Variants in ZNF653 observed in about 807,000 individuals in gnomAD.
ZNF653 encodes 67 kDa zinc finger protein.
In ZNF653, 37 loss-of-function variants were observed where a neutral mutation model predicts 59.9. The observed-to-expected ratio is 0.62, with a 90% confidence interval of 0.48 to 0.81. ZNF653 has a LOEUF of 0.81. Among genes scored for constraint, ZNF653 ranks in the 40% least tolerant of loss-of-function variants. The pLI is 0.00. For synonymous variants in ZNF653, 435 were observed against 371.8 expected, an observed-to-expected ratio of 1.17 and a Z score of -1.96; for missense variants, 808 against 881.1, an observed-to-expected ratio of 0.92 and a Z score of 1.05.
At chr19:11,499,065 C>G (rs528537760) in intron 1 of ZNF653, among the ~76,000 whole-genome samples, 1 of 152,198 alleles carries the variant, frequency 6.6e-6, no homozygotes, top group Non-Finnish European at 1.5e-5. Flanking sequence ...AACTCCAGAA[C>G]TGTGTCACCA....
intron 1 of ZNF653, among the ~76,000 whole-genome samples, chr19:11,502,034 T>A (rs916194904): frequency 1.3e-5 from 2 of 151,924 alleles, no homozygotes; most frequent in African/African-American, 4.8e-5. Flanking sequence ...ACTTCGTGAT[T>A]TGCTCACCTT....
chr19:11,492,554 C>T (rs1431709330), intron 3 of ZNF653, among the ~76,000 whole-genome samples: 2 of 151,914 alleles, frequency 1.3e-5, no homozygotes, highest in Admixed American at 6.6e-5. Context: ...ACTATGTTGC[C>T]CAGGCTGTTC....
At position 11,488,529 on chromosome 19, in the gene ZNF653, G is replaced by A. The variant is rs533226690; in HGVS notation, c.560-626C>T. On this transcript the variant is annotated intron_variant, in intron 3 of 8. Coordinates refer to ENST00000293771, the MANE Select transcript of ZNF653 (RefSeq NM_138783.4). ...TCAAACTCCTGACCTCAAGTCATCT[G>A]CCCGCCTCAGCCTCCCAAAGTGTTA... 3.6e-4 allele frequency among the ~76,000 whole-genome samples: 55 copies of A among 151,414 alleles called. 1 individual carries two copies. The South Asian group carries it at 9.6e-3, about 26-fold the overall frequency.
At position 11,487,175 on chromosome 19, in the gene ZNF653, GGGT is replaced by G; in HGVS notation, c.1172-20_1172-18del. On this transcript the variant is annotated intron_variant, in intron 4 of 8. Coordinates refer to ENST00000293771, the MANE Select transcript of ZNF653 (RefSeq NM_138783.4). The surrounding 1 kb of genome is among the most constrained non-coding windows in gnomAD (Gnocchi z 5.1). ...CCTCCTTCTCTACAGGGTGGACACA[GGGT>G]GGTGTCCGCAGGGGACGAAGGCTGC... is the stretch of plus-strand genomic sequence containing the variant. 6.2e-7 allele frequency: 1 copy of G among 1,609,422 alleles called. No individual in the cohort carries two copies. The highest frequency in any genetic ancestry group is 8.5e-7 in the Non-Finnish European group (1 of 1,179,392).
Position 11,486,995 on chromosome 19 carries a change from C to T in ZNF653, c.1335G>A (p.Glu445=), listed in dbSNP as rs752867523. ...MSAIIYEIPK[E]PEKRRRSKRS... Reference sequence around the variant, plus strand: ...CCCGCCCCGGCACCCACTTCTCAGGCTCCTTGGGGATTTCATAGATGATGG... The same window carrying T: ...CCCGCCCCGGCACCCACTTCTCAGGTTCCTTGGGGATTTCATAGATGATGG... The change falls in exon 5 of 9, where the codon GAG becomes GAA. Residue 445 remains glutamate (E), a synonymous_variant. Coordinates refer to ENST00000293771, the MANE Select transcript of ZNF653 (RefSeq NM_138783.4). The T allele has an allele frequency of 1.9e-6, 3 of 1,613,814 alleles. No homozygotes were observed. The highest frequency in any genetic ancestry group is 2.2e-5 in the South Asian group (2 of 91,028).
At chr19:11,488,485 C>T (rs1450188367) in intron 3 of ZNF653, among the ~76,000 whole-genome samples, 3 of 151,660 alleles carry the variant, frequency 2.0e-5, no homozygotes, top group African/African-American at 7.3e-5. Flanking sequence ...GGGGTTTCAT[C>T]ATGTTGGCCA....
In ZNF653 at chr19:11,495,622, CCCTGCCCCAGCAGG is replaced by C. The variant is rs1169546641; in HGVS notation, c.559+314_559+327del. The C allele has an allele frequency of 1.3e-5, 5 of 382,626 alleles. No individual in the cohort carries two copies. The highest frequency in any genetic ancestry group is 1.2e-4 in the South Asian group (5 of 40,128). 23.7% of individuals were successfully genotyped at this position (382,626 alleles called of 1,614,324 possible). A position where few individuals can be genotyped will look rare whatever the true frequency, so the allele number is the denominator to read the frequency against. On this transcript the variant is annotated intron_variant, in intron 3 of 8. Transcript: ENST00000293771. This position sits in a 1 kb window ranked among gnomAD's most constrained non-coding sequence, Gnocchi z 4.9. ...CGGCCGTTTCGCTGTGGGGGCCGAGCCCTGCCCCAGCAGGCCTGCCCCCGCCCCAGCTGCCAAGC... is the reference window on the plus strand; with the variant it reads ...CGGCCGTTTCGCTGTGGGGGCCGAGCCCTGCCCCCGCCCCAGCTGCCAAGC...
Position 11,483,521 on chromosome 19 carries a change from G to A in ZNF653, c.*161C>T, listed in dbSNP as rs1476079123. 1.5e-5 allele frequency: 21 copies of A among 1,401,352 alleles called. No homozygotes were observed. Among genetic ancestry groups the A allele is most frequent in the Admixed American group, 9.5e-5 (3 of 31,664 alleles). 86.8% of individuals were successfully genotyped at this position (1,401,352 alleles called of 1,614,324 possible). ...AGCTCCGAGAAGGATGCGGTGGGGC[G>A]GGGTGGGGAACCTGCCCAGGGGGCC... On this transcript the variant is annotated 3_prime_UTR_variant, in exon 9 of 9. Coordinates refer to ENST00000293771, the MANE Select transcript of ZNF653 (RefSeq NM_138783.4).
In ZNF653 at chr19:11,483,648, AC is replaced by A; in HGVS notation, c.*33del. 1.9e-6 allele frequency: 3 copies of A among 1,597,172 alleles called. No homozygotes were observed. Among genetic ancestry groups the A allele is most frequent in the Non-Finnish European group, 2.6e-6 (3 of 1,166,806 alleles). On this transcript the variant is annotated 3_prime_UTR_variant, in exon 9 of 9. Coordinates refer to ENST00000293771, the MANE Select transcript of ZNF653 (RefSeq NM_138783.4). ...AAGCCCGGGCGTGGTGTCCGAGCGG[AC>A]GAATAAATAGGGGCGGTCAGTGGTC... is the stretch of plus-strand genomic sequence containing the variant.
At chr19:11,500,116 C>A (rs1971628494) in intron 1 of ZNF653, among the ~76,000 whole-genome samples, 1 of 152,124 alleles carries the variant, frequency 6.6e-6, no homozygotes, top group African/African-American at 2.4e-5. Context: ...TGTCTCTTAT[C>A]AGCAAAACTG....
chr19:11,504,323 C>T (rs919919011), intron 1 of ZNF653, among the ~76,000 whole-genome samples: 4 of 152,078 alleles, frequency 2.6e-5, no homozygotes, highest in African/African-American at 9.7e-5. Flanking sequence ...ATGGCGTGAA[C>T]CCGGGAGGCG....
At chr19:11,490,912 C>T (rs1303466324) in intron 3 of ZNF653, among the ~76,000 whole-genome samples, 1 of 152,248 alleles carries the variant, frequency 6.6e-6, no homozygotes. Context: ...CGGAAGGCAG[C>T]TCAGTCTCTC....
chr19:11,488,576 G>A (rs1194627799), intron 3 of ZNF653, among the ~76,000 whole-genome samples: 3 of 150,308 alleles, frequency 2.0e-5, no homozygotes, highest in Non-Finnish European at 2.9e-5. Context: ...ATGAGCCACC[G>A]TGCCTGGCTG....
At chr19:11,501,027 G>A (rs1240648740) in intron 1 of ZNF653, among the ~76,000 whole-genome samples, 1 of 152,092 alleles carries the variant, frequency 6.6e-6, no homozygotes, top group South Asian at 2.1e-4. Context: ...ACAGCTCCGG[G>A]GCTACTCAGG....
In ZNF653 at chr19:11,487,051, C is replaced by T. The variant is rs141445219; in HGVS notation, c.1279G>A (p.Gly427Arg). 2.9e-4 allele frequency: 465 copies of T among 1,614,174 alleles called. 1 individual carries two copies. The African/African-American group carries it at 4.5e-3, about 16-fold the overall frequency. The change falls in exon 5 of 9, where the codon GGG becomes AGG. Residue 427 changes from glycine (G) to arginine (R), a missense_variant. By Grantham distance (125) the Gly-to-Arg change is moderately radical. Transcript: ENST00000293771. The surrounding 1 kb of genome is among the most constrained non-coding windows in gnomAD (Gnocchi z 5.1). Reference sequence around the variant, plus strand: ...ATGTCGCTGCCGTCCAGCTCCTCCCCGTCCGCCTCTGCCTCAGGCTCTGCG... The same window carrying T: ...ATGTCGCTGCCGTCCAGCTCCTCCCTGTCCGCCTCTGCCTCAGGCTCTGCG... ...ESAEPEAEAD[G>R]EELDGSDMSA...
At chr19:11,503,046 G>A (rs1971664009) in intron 1 of ZNF653, among the ~76,000 whole-genome samples, 1 of 150,104 alleles carries the variant, frequency 6.7e-6, no homozygotes, top group Non-Finnish European at 1.5e-5. Flanking sequence ...AAAAAAAAAA[G>A]GTGGGGGGGG....
In ZNF653 at chr19:11,483,542, G is replaced by A. The variant is rs1971429141; in HGVS notation, c.*140C>T. 8.5e-6 allele frequency: 12 copies of A among 1,415,264 alleles called. No homozygotes were observed. The highest frequency in any genetic ancestry group is 2.7e-5 in the East Asian group (1 of 37,430). 87.7% of individuals were successfully genotyped at this position (1,415,264 alleles called of 1,614,324 possible). On this transcript the variant is annotated 3_prime_UTR_variant, in exon 9 of 9. Transcript: ENST00000293771. Reference sequence around the variant, plus strand: ...GGGCGGGGTGGGGAACCTGCCCAGGGGGCCCAGCTCTGGGGCGGGGCGGGG... The same window carrying A: ...GGGCGGGGTGGGGAACCTGCCCAGGAGGCCCAGCTCTGGGGCGGGGCGGGG...
chr19:11,505,728 C>A lies in ZNF653; in HGVS notation c.59G>T (p.Gly20Val), dbSNP rs1971713997. 94 of 1,458,430 alleles carry A rather than the reference C, an allele frequency of 6.4e-5. No homozygotes were observed. The highest frequency in any genetic ancestry group is 8.3e-5 in the Non-Finnish European group (93 of 1,115,512). 90.3% of individuals were successfully genotyped at this position (1,458,430 alleles called of 1,614,324 possible). A position where few individuals can be genotyped will look rare whatever the true frequency, so the allele number is the denominator to read the frequency against. The change falls in exon 1 of 9, where the codon GGG (glycine) becomes GTG (valine). Residue 20 changes from glycine to valine, a missense_variant. Transcript: ENST00000293771. The part of the protein sequence containing the change: ...AEAEAEAGAG[G>V]EAAAEEGAAG... ...TGCGCCCTCCTCGGCTGCTGCCTCC[C>A]CGCCCGCGCCCGCCTCAGCCTCCGC... is the stretch of plus-strand genomic sequence containing the variant.
intron 2 of ZNF653, among the ~76,000 whole-genome samples, chr19:11,496,719 T>C (rs985537524): frequency 9.2e-5 from 14 of 152,234 alleles, no homozygotes; most frequent in Middle Eastern, 3.4e-3. Context: ...AATACAAAAA[T>C]TGGCCGGCAT....
Sources: gnomAD v4.1 joint callset for allele counts (sites outside exome capture counted in the v4.1 genomes callset) on GRCh38, gnomAD v4.1.1 for gene constraint, Gnocchi (gnomAD v3.1) non-coding constraint, MANE v1.5 for transcripts, NCBI Gene and HGNC (gene_info 2026-07-23, HGNC 2026-07-21) for gene names.